Variants in RAD18 observed in about 807,000 individuals in gnomAD.
The protein encoded by RAD18 is RAD18 E3 ubiquitin protein ligase, also known as E3 ubiquitin-protein ligase RAD18.
RAD18 carries 47 observed loss-of-function variants against 60.4 expected under a neutral mutation model. That is an observed-to-expected ratio of 0.78 (90% CI 0.62 to 0.99). RAD18 has a LOEUF of 0.99. Ranked by LOEUF, RAD18 falls within the 50% of genes least tolerant of loss-of-function variation. The pLI is 0.00. For missense variants in RAD18, 640 were observed against 593.3 expected, an observed-to-expected ratio of 1.08 and a Z score of -0.82; for synonymous variants, 225 against 195.5, an observed-to-expected ratio of 1.15 and a Z score of -1.26.
intron 7 of RAD18, among the ~76,000 whole-genome samples, chr3:8,916,699 C>A (rs1940206524): frequency 6.6e-6 from 1 of 151,326 alleles, no homozygotes. Flanking sequence ...TAGATATAGA[C>A]ACATAAAACC....
At position 8,920,158 on chromosome 3, in the gene RAD18, A is replaced by G. The variant is rs1940289449; in HGVS notation, c.890-6438T>C. 2.0e-5 allele frequency among the ~76,000 whole-genome samples: 3 copies of G among 151,910 alleles called. No individual in the cohort carries two copies. The South Asian group carries it at 6.3e-4, about 32-fold the overall frequency. ...TTAGCCAGGCATGGCATGCGCCTGT[A>G]GTCCCAGCTACTCGGGAGGCTGAGG... On this transcript the variant is annotated intron_variant, in intron 7 of 12. Transcript: ENST00000264926.
rs528936305 is a variant in RAD18, at chr3:8,878,709, C to G, written c.*2648G>C. On this transcript the variant is annotated 3_prime_UTR_variant, in exon 13 of 13. Transcript: ENST00000264926. ...TCAACATGAGGTCGAAAAAGAAAGA[C>G]GAGAGTAGAGGATGAAAGGACGGCC... 1 of 152,116 alleles carries G rather than the reference C, an allele frequency of 6.6e-6. No individual in the cohort carries two copies. Among genetic ancestry groups the G allele is most frequent in the South Asian group, 2.1e-4 (1 of 4,826 alleles). The allele number at this position is 152,116 out of a possible 1,614,324, so 9.4% of individuals were successfully genotyped here.
chr3:8,924,504 G>A (rs1369287056), intron 7 of RAD18, among the ~76,000 whole-genome samples: 32 of 141,320 alleles, frequency 2.3e-4, no homozygotes, highest in Non-Finnish European at 3.6e-4. Flanking sequence ...ACAGATCAAC[G>A]AGACAGAAAG....
chr3:8,926,410 G>T (rs180866944), intron 7 of RAD18, among the ~76,000 whole-genome samples: 35 of 152,260 alleles, frequency 2.3e-4, no homozygotes, highest in African/African-American at 6.5e-4. Context: ...AATAAAACAG[G>T]ATACAAACAA....
At chr3:8,920,683 G>A (rs1467392689) in intron 7 of RAD18, among the ~76,000 whole-genome samples, 1 of 152,130 alleles carries the variant, frequency 6.6e-6, no homozygotes, top group Non-Finnish European at 1.5e-5. Context: ...ATTCTGGCCA[G>A]GAAGGCATAA....
chr3:8,905,436 A>G (rs557958959), intron 9 of RAD18, among the ~76,000 whole-genome samples: 2 of 152,324 alleles, frequency 1.3e-5, no homozygotes, highest in East Asian at 3.9e-4. Context: ...AAAAGACTAA[A>G]AACAGGCTCT....
rs1350793825 is a variant in RAD18 at position 8,877,739 on chromosome 3, G to A, written c.*3618C>T. The A allele has an allele frequency of 6.6e-6, 1 of 151,960 alleles. No individual in the cohort carries two copies. The highest frequency in any genetic ancestry group is 1.5e-5 in the Non-Finnish European group (1 of 68,034). 9.4% of individuals were successfully genotyped at this position (151,960 alleles called of 1,614,324 possible). A position where few individuals can be genotyped will look rare whatever the true frequency, so the allele number is the denominator to read the frequency against. ...TCAGGGCAGGAACTGTCTTTGTTTT[G>A]CACATTACTTGACATATAGTCCTAA... On this transcript the variant is annotated 3_prime_UTR_variant, in exon 13 of 13. Transcript: ENST00000264926.
rs748928755 is a variant in RAD18 at position 8,941,597 on chromosome 3, G to A, written c.474C>T (p.Ser158=). ...LLIKENKSKF[S]PQKEASPAAK... ...CAGCAGGGCTCGCCTCTTTTTGAGGGCTGAATTTGCTTTTATTTTCTTTTA... is the reference window on the plus strand; with the variant it reads ...CAGCAGGGCTCGCCTCTTTTTGAGGACTGAATTTGCTTTTATTTTCTTTTA... Residue 158 remains serine, a synonymous_variant, in exon 5 of 13, where the codon AGC becomes AGT. Coordinates refer to ENST00000264926, the MANE Select transcript of RAD18 (RefSeq NM_020165.4). 1.2e-6 allele frequency: 2 copies of A among 1,614,096 alleles called. No homozygotes were observed. Among genetic ancestry groups the A allele is most frequent in the Non-Finnish European group, 1.7e-6 (2 of 1,179,996 alleles).
rs145000121 is a variant in RAD18 at position 8,902,448 on chromosome 3, A to T, written c.1100T>A (p.Met367Lys). Residue 367 changes from methionine to lysine, a missense_variant, in exon 10 of 13, where the codon ATG becomes AAG. By Grantham distance (95) the Met-to-Lys change is moderately conservative. Coordinates refer to ENST00000264926, the MANE Select transcript of RAD18 (RefSeq NM_020165.4). ...ARKGYKKIAG[M>K]SQKTVTITKE... ...TGTTATTGTTACTGTTTTTTGTGAC[A>T]TTCCAGCAATTTTCTTGTATCCTTT... The T allele has an allele frequency of 1.8e-4, 293 of 1,610,260 alleles. No individual in the cohort carries two copies. The highest frequency in any genetic ancestry group is 2.4e-4 in the Non-Finnish European group (281 of 1,177,646).
rs10510395 is a variant in RAD18, at chr3:8,947,468, A to C, written c.196-178T>G. 7.7e-3 allele frequency among the ~76,000 whole-genome samples: 1,170 copies of C among 152,330 alleles called. 11 individuals carry two copies. Among genetic ancestry groups the C allele is most frequent in the African/African-American group, 0.027 (1,122 of 41,562 alleles). On this transcript the variant is annotated intron_variant, in intron 3 of 12. Coordinates refer to ENST00000264926, the MANE Select transcript of RAD18 (RefSeq NM_020165.4). ...GCTAATATGAAATTTTAAAACAGTGAATCAGTATCTGCTGACTGGAAGTCT... is the reference window on the plus strand; with the variant it reads ...GCTAATATGAAATTTTAAAACAGTGCATCAGTATCTGCTGACTGGAAGTCT...
rs1305893521 is a variant in RAD18 at position 8,898,967 on chromosome 3, T to C, written c.1249A>G (p.Arg417Gly). 8 of 1,609,884 alleles carry C rather than the reference T, an allele frequency of 5.0e-6. No individual in the cohort carries two copies. The highest frequency in any genetic ancestry group is 6.8e-6 in the Non-Finnish European group (8 of 1,176,934). ...LDSPEELEPD[R>G]EEDSSSCIDI... ...ATACAGCTAGAAGAATCCTCTTCTC[T>C]GTCAGGTTCCAATTCCTCTGGGGAG... The change falls in exon 11 of 13, where the codon AGA becomes GGA. Residue 417 changes from arginine to glycine, a missense_variant. Transcript: ENST00000264926.
chr3:8,932,604 T>C (rs903672353), intron 7 of RAD18, among the ~76,000 whole-genome samples: 4 of 152,156 alleles, frequency 2.6e-5, no homozygotes, highest in Non-Finnish European at 5.9e-5. Context: ...TTCTTATAGT[T>C]ACATTTACCA....
intron 7 of RAD18, among the ~76,000 whole-genome samples, chr3:8,934,592 C>A (rs150679659): frequency 6.6e-6 from 1 of 152,332 alleles, no homozygotes; most frequent in Non-Finnish European, 1.5e-5. Context: ...GTGATGTTGT[C>A]AAGGGTGCAG....
intron 7 of RAD18, among the ~76,000 whole-genome samples, chr3:8,920,237 C>A (rs552078010): frequency 2.7e-5 from 4 of 148,914 alleles, no homozygotes; most frequent in East Asian, 4.0e-4. Flanking sequence ...CGAGATCGTG[C>A]CACTGCACTC....
intron 12 of RAD18, among the ~76,000 whole-genome samples, chr3:8,888,956 C>G (rs1939632940): frequency 6.6e-6 from 1 of 152,132 alleles, no homozygotes; most frequent in Admixed American, 6.5e-5. Context: ...TGAAGAGGTA[C>G]AAGAGGAAAG....
At chr3:8,894,758 G>A (rs1387182722) in intron 11 of RAD18, among the ~76,000 whole-genome samples, 2 of 120,022 alleles carry the variant, frequency 1.7e-5, no homozygotes, top group Admixed American at 7.7e-5. Context: ...CAGTTTAAGC[G>A]CTTTTTTTTT....
chr3:8,934,503 T>A (rs148176930), intron 7 of RAD18, among the ~76,000 whole-genome samples: 34 of 152,302 alleles, frequency 2.2e-4, no homozygotes, highest in African/African-American at 6.3e-4. Context: ...AATTTATAAG[T>A]CATTAAGGAA....
At chr3:8,912,970 G>A (rs1047702320) in intron 8 of RAD18, among the ~76,000 whole-genome samples, 2 of 151,852 alleles carry the variant, frequency 1.3e-5, no homozygotes, top group Admixed American at 1.3e-4. Flanking sequence ...CTACTTATTT[G>A]GTTACAAACT....
chr3:8,932,293 A>G (rs980304300), intron 7 of RAD18, among the ~76,000 whole-genome samples: 2 of 152,228 alleles, frequency 1.3e-5, no homozygotes, highest in Non-Finnish European at 2.9e-5. Context: ...TTAAAAATTC[A>G]GTATCCAGAA....
Sources: allele counts gnomAD v4.1 joint callset (sites outside exome capture counted in the v4.1 genomes callset), GRCh38; gene constraint gnomAD v4.1.1; transcripts MANE v1.5; gene names NCBI Gene and HGNC (gene_info 2026-07-23, HGNC 2026-07-21).